Variants in PRMT3 observed in about 807,000 individuals in gnomAD.
The protein encoded by PRMT3 is protein arginine N-methyltransferase 3.
In PRMT3, 62 loss-of-function variants were observed where a neutral mutation model predicts 71.9. The observed-to-expected ratio is 0.86, with a 90% CI of 0.70 to 1.07. The LOEUF (loss-of-function observed/expected upper bound fraction) is 1.07. Ranked by LOEUF, PRMT3 falls within the 50% of genes least tolerant of loss-of-function variation. PRMT3 has a pLI of 0.00. For synonymous variants in PRMT3, 213 were observed against 220.4 expected, an observed-to-expected ratio of 0.97 and a Z score of 0.30; for missense variants, 663 against 643.0, an observed-to-expected ratio of 1.03 and a Z score of -0.34.
intron 13 of PRMT3, among the ~76,000 whole-genome samples, chr11:20,477,586 T>C (rs1311837269): frequency 1.3e-5 from 2 of 151,844 alleles, no homozygotes; most frequent in South Asian, 2.1e-4. Flanking sequence ...GTAAACAGCA[T>C]AGTGAGTCAT....
intron 13 of PRMT3, among the ~76,000 whole-genome samples, chr11:20,483,083 G>A (rs568907777): frequency 3.6e-4 from 54 of 151,906 alleles, no homozygotes; most frequent in African/African-American, 9.9e-4. Flanking sequence ...CCCTTTTACC[G>A]TCTGTTAAAT....
intron 6 of PRMT3, among the ~76,000 whole-genome samples, 167 bp from the exon 7 acceptor site, chr11:20,397,410 T>C (rs6483670): frequency 0.83 from 125,930 of 152,156 alleles, 53,829 homozygotes; most frequent in Non-Finnish European, 0.95. Flanking sequence ...AATATTGCCA[T>C]TGCTTCAGAT....
At chr11:20,434,121 T>C (rs1179884153) in intron 10 of PRMT3, among the ~76,000 whole-genome samples, 3 of 152,328 alleles carry the variant, frequency 2.0e-5, no homozygotes, top group Admixed American at 2.0e-4. Flanking sequence ...ATTTCTCTAA[T>C]GATCAGTGAT....
At chr11:20,448,320 G>T (rs1173422429) in intron 10 of PRMT3, among the ~76,000 whole-genome samples, 1 of 152,034 alleles carries the variant, frequency 6.6e-6, no homozygotes, top group Non-Finnish European at 1.5e-5. Flanking sequence ...ATTAACAACT[G>T]ACTGCCAGCT....
chr11:20,459,278 T>C (rs1282190239), intron 11 of PRMT3, among the ~76,000 whole-genome samples: 2 of 152,210 alleles, frequency 1.3e-5, no homozygotes, highest in Non-Finnish European at 2.9e-5. Context: ...GTATCAACTA[T>C]GTTAAGTATC....
At chr11:20,464,076 TGTG>T (rs1170393210) in intron 12 of PRMT3, among the ~76,000 whole-genome samples, 3 of 152,220 alleles carry the variant, frequency 2.0e-5, no homozygotes, top group Non-Finnish European at 2.9e-5. Flanking sequence ...TTATAGCAGT[TGTG>T]GTGGGTGTAC....
At chr11:20,418,269 T>C (rs964365317) in intron 9 of PRMT3, among the ~76,000 whole-genome samples, 1 of 152,178 alleles carries the variant, frequency 6.6e-6, no homozygotes, top group African/African-American at 2.4e-5. Flanking sequence ...TTCATTTGGT[T>C]TATACTGAAG....
chr11:20,433,912 A>G (rs144687356), intron 10 of PRMT3, among the ~76,000 whole-genome samples: 5 of 152,176 alleles, frequency 3.3e-5, no homozygotes, highest in African/African-American at 1.2e-4. Context: ...GCACCACCAC[A>G]CCTGGCCTGG....
At chr11:20,478,533 T>TAA (rs34317661) in intron 13 of PRMT3, among the ~76,000 whole-genome samples, 100 of 136,718 alleles carry the variant, frequency 7.3e-4, no homozygotes, top group African/African-American at 1.9e-3. Flanking sequence ...CCTGTCTCTT[T>TAA]AAAAAAAAAA....
chr11:20,470,733 T>C (rs1267919791), intron 13 of PRMT3, among the ~76,000 whole-genome samples: 1 of 152,170 alleles, frequency 6.6e-6, no homozygotes, highest in African/African-American at 2.4e-5. Flanking sequence ...ATTGAATTAT[T>C]TATATTACAC....
chr11:20,418,122 C>T (rs771229680), intron 9 of PRMT3, among the ~76,000 whole-genome samples: 4 of 149,456 alleles, frequency 2.7e-5, no homozygotes, highest in Non-Finnish European at 5.9e-5. Flanking sequence ...AAAATTTCCC[C>T]TCAGAAAAAG....
chr11:20,491,002 A>G (rs1425638981), intron 13 of PRMT3, among the ~76,000 whole-genome samples: 1 of 152,196 alleles, frequency 6.6e-6, no homozygotes, highest in East Asian at 1.9e-4. Flanking sequence ...CACCAATGAC[A>G]CGTTAGATCT....
In PRMT3 at chr11:20,493,919, G is replaced by A. The variant is rs374287882; in HGVS notation, c.1348G>A (p.Ala450Thr). ...LKITRTSMCT[A>T]IAGYFDIYFE... ...TTATATTTCTTTTTTTAAAAAACAGGCAATTGCTGGCTACTTTGATATATA... is the reference window on the plus strand; with the variant it reads ...TTATATTTCTTTTTTTAAAAAACAGACAATTGCTGGCTACTTTGATATATA... Residue 450 changes from alanine (A) to threonine (T), a missense_variant and splice_region_variant, in exon 14 of 16, where the codon GCA becomes ACA. Ala to Thr is a moderately conservative substitution (Grantham distance 58, BLOSUM62 0). Coordinates refer to ENST00000331079, the MANE Select transcript of PRMT3 (RefSeq NM_005788.4). The A allele has an allele frequency of 1.3e-6, 2 of 1,575,806 alleles. No individual in the cohort carries two copies. Among genetic ancestry groups the A allele is most frequent in the Non-Finnish European group, 1.7e-6 (2 of 1,153,186 alleles).
Position 20,392,227 on chromosome 11 carries a change from A to G in PRMT3, c.264A>G (p.Gly88=). The change falls in exon 4 of 16, where the codon GGA becomes GGG. Residue 88 remains glycine, a synonymous_variant. Transcript: ENST00000331079. ...CCCCTTTAGGACTTGAATTTTATGG[A>G]TACATTAAGCTAATAAATTTTATTA... ...MVHKHGLEFY[G]YIKLINFIRL... 1 of 1,568,448 alleles carries G rather than the reference A, an allele frequency of 6.4e-7. No individual in the cohort carries two copies. The highest frequency in any genetic ancestry group is 1.8e-5 in the Admixed American group (1 of 55,340).
intron 4 of PRMT3, among the ~76,000 whole-genome samples, chr11:20,392,678 C>T (rs1232623574): frequency 2.6e-5 from 3 of 114,254 alleles, no homozygotes; most frequent in African/African-American, 1.0e-4. Flanking sequence ...ACAACGCTTT[C>T]CCCAAATCCA....
intron 9 of PRMT3, among the ~76,000 whole-genome samples, chr11:20,416,213 C>T (rs1849301236): frequency 6.6e-6 from 1 of 152,114 alleles, no homozygotes; most frequent in African/African-American, 2.4e-5. Flanking sequence ...AGACTGATTT[C>T]CCCACTTAAT....
intron 9 of PRMT3, among the ~76,000 whole-genome samples, chr11:20,411,097 A>G (rs1486833635): frequency 1.3e-5 from 2 of 152,124 alleles, no homozygotes; most frequent in Non-Finnish European, 2.9e-5. Context: ...TTATATAGTA[A>G]TAATGAGATT....
At chr11:20,507,798 A>T (rs974021233) in intron 15 of PRMT3, among the ~76,000 whole-genome samples, 1 of 147,056 alleles carries the variant, frequency 6.8e-6, no homozygotes, top group African/African-American at 2.5e-5. Flanking sequence ...TTAATGAAAC[A>T]TAATGCTGCT....
Position 20,508,438 on chromosome 11 carries a change from T to G in PRMT3, c.*25T>G. On this transcript the variant is annotated 3_prime_UTR_variant, in exon 16 of 16. Coordinates refer to ENST00000331079, the MANE Select transcript of PRMT3 (RefSeq NM_005788.4). ...AAACAGCCATAAAAGCACACTACCTTGTAGTTTTTAATGTGGGGGTAGAGT... is the reference window on the plus strand; with the variant it reads ...AAACAGCCATAAAAGCACACTACCTGGTAGTTTTTAATGTGGGGGTAGAGT... 2 of 1,522,722 alleles carry G rather than the reference T, an allele frequency of 1.3e-6. No individual in the cohort carries two copies. Among genetic ancestry groups the G allele is most frequent in the Non-Finnish European group, 1.8e-6 (2 of 1,097,144 alleles). The allele number at this position is 1,522,722 out of a possible 1,614,324, so 94.3% of individuals were successfully genotyped here.
Sources: gnomAD v4.1 joint callset for allele counts (sites outside exome capture counted in the v4.1 genomes callset) on GRCh38, gnomAD v4.1.1 for gene constraint, MANE v1.5 for transcripts, NCBI Gene and HGNC (gene_info 2026-07-23, HGNC 2026-07-21) for gene names.